BRI3BP: variants seen among roughly 807,000 people sequenced by gnomAD.
BRI3BP encodes the protein BRI3-binding protein.
Under a neutral mutation model 15.8 loss-of-function variants are expected in BRI3BP, and 7 were observed. That is an observed-to-expected ratio of 0.44 (90% CI 0.25 to 0.83). The LOEUF (loss-of-function observed/expected upper bound fraction) is 0.83. Ranked by LOEUF, BRI3BP falls within the 40% of genes least tolerant of loss-of-function variation. The pLI is 0.20. For missense variants in BRI3BP, 320 were observed against 339.3 expected (o/e 0.94, Z 0.45); for synonymous variants, 192 against 163.5 (o/e 1.17, Z -1.33).
intron 1 of BRI3BP, among the ~76,000 whole-genome samples, chr12:125,003,957 ACACACACACAC>A (rs1336424071): frequency 5.8e-4 from 3 of 5,184 alleles, no homozygotes; most frequent in Non-Finnish European, 9.2e-4. Context: ...CATCTCAAAA[ACACACACACAC>A]ACACACACAC....
chr12:125,008,688 A>G (rs1955170772), intron 1 of BRI3BP, among the ~76,000 whole-genome samples: 1 of 152,112 alleles, frequency 6.6e-6, no homozygotes, highest in South Asian at 2.1e-4. Context: ...CAGTTTTTCC[A>G]TGGACTGGGT....
chr12:125,008,422 CCTT>C (rs1447025976), intron 1 of BRI3BP, among the ~76,000 whole-genome samples: 1 of 151,010 alleles, frequency 6.6e-6, no homozygotes, highest in Admixed American at 6.6e-5. Context: ...ACACCATTCT[CCTT>C]CTTCAGCCTC....
the BRI3BP span, among the ~76,000 whole-genome samples, chr12:125,043,387 TG>T: frequency 1.3e-5 from 2 of 152,184 alleles, no homozygotes; most frequent in Non-Finnish European, 2.9e-5. Context: ...ACAGAACCGC[TG>T]CACAGTTCCT....
chr12:125,006,352 C>T (rs1006924602), intron 1 of BRI3BP, among the ~76,000 whole-genome samples: 1 of 152,226 alleles, frequency 6.6e-6, no homozygotes, highest in Non-Finnish European at 1.5e-5. Context: ...CCAAATGGTT[C>T]AACGGCAAGA....
chr12:124,993,676 G>A lies in BRI3BP; in HGVS notation c.-115G>A. The A allele has an allele frequency of 1.8e-6, 1 of 550,598 alleles. No homozygotes were observed. Among genetic ancestry groups the A allele is most frequent in the Non-Finnish European group, 2.3e-6 (1 of 434,890 alleles). 34.1% of individuals were successfully genotyped at this position (550,598 alleles called of 1,614,324 possible). A position where few individuals can be genotyped will look rare whatever the true frequency, so the allele number is the denominator to read the frequency against. ...GCAGCAGCGGCGGCGGCGGCTGTGG[G>A]TAAAGGCGCGGCGCGCGGCCCCCGA... On this transcript the variant is annotated 5_prime_UTR_variant, in exon 1 of 3. Coordinates refer to ENST00000341446, the MANE Select transcript of BRI3BP (RefSeq NM_080626.6).
chr12:125,040,065 C>A, the BRI3BP span, among the ~76,000 whole-genome samples: 1 of 152,074 alleles, frequency 6.6e-6, no homozygotes, highest in Admixed American at 6.5e-5. Flanking sequence ...AGATTGAGAC[C>A]ATCCTGGCCA....
chr12:125,004,237 A>G (rs1955123411), intron 1 of BRI3BP, among the ~76,000 whole-genome samples: 1 of 152,174 alleles, frequency 6.6e-6, no homozygotes, highest in Non-Finnish European at 1.5e-5. Context: ...CAGTGGCACG[A>G]ACACAGCTCA....
chr12:125,009,972 G>A (rs1288967336), intron 1 of BRI3BP, among the ~76,000 whole-genome samples: 1 of 152,044 alleles, frequency 6.6e-6, no homozygotes, highest in Non-Finnish European at 1.5e-5. Flanking sequence ...TATGATGGCA[G>A]GCGCCTGGAA....
intron 1 of BRI3BP, among the ~76,000 whole-genome samples, chr12:125,005,284 A>C (rs2135989834): frequency 6.6e-6 from 1 of 152,312 alleles, no homozygotes; most frequent in South Asian, 2.1e-4. Flanking sequence ...GGGTACAGCA[A>C]ATCATCATGA....
At chr12:125,048,227 C>T in the BRI3BP span, among the ~76,000 whole-genome samples, 7 of 151,994 alleles carry the variant, frequency 4.6e-5, no homozygotes, top group African/African-American at 9.7e-5. Context: ...GTATACTCTC[C>T]AAGATGCAAT....
downstream of BRI3BP, among the ~76,000 whole-genome samples, chr12:125,031,727 C>A (rs1407143082): frequency 6.6e-6 from 1 of 151,922 alleles, no homozygotes; most frequent in Non-Finnish European, 1.5e-5. Flanking sequence ...TGGGGTTTCA[C>A]CATGTTGGCC....
chr12:125,047,170 G>A, the BRI3BP span, among the ~76,000 whole-genome samples: 10 of 150,650 alleles, frequency 6.6e-5, no homozygotes, highest in South Asian at 2.1e-4. Flanking sequence ...TTTTTGAGAC[G>A]GAGTCTTGCT....
intron 1 of BRI3BP, among the ~76,000 whole-genome samples, chr12:125,000,016 CTTTT>C (rs66571863): frequency 2.5e-5 from 1 of 40,690 alleles, no homozygotes; most frequent in Non-Finnish European, 4.3e-5. Context: ...TTTGGTTTTT[CTTTT>C]TTTTTTTTTT....
intron 1 of BRI3BP, among the ~76,000 whole-genome samples, chr12:125,000,516 T>C (rs1321148755): frequency 6.6e-6 from 1 of 151,704 alleles, no homozygotes; most frequent in Non-Finnish European, 1.5e-5. Flanking sequence ...GGTTTCACCA[T>C]GTTAGCCAGG....
intron 1 of BRI3BP, among the ~76,000 whole-genome samples, chr12:125,003,719 G>T (rs1210321057): frequency 6.6e-6 from 1 of 152,264 alleles, no homozygotes; most frequent in African/African-American, 2.4e-5. Flanking sequence ...TTGGGAGGCC[G>T]AGGCGGGTGG....
At chr12:125,041,054 A>AT in the BRI3BP span, among the ~76,000 whole-genome samples, 14 of 116,706 alleles carry the variant, frequency 1.2e-4, no homozygotes, top group East Asian at 1.3e-3. Context: ...TTTTATTTTT[A>AT]TTTTTTTTTG....
In BRI3BP at chr12:125,003,954, AAAACACACACACACACAC is replaced by A. The variant is rs1481867838; in HGVS notation, c.214-8578_214-8561del. On this transcript the variant is annotated intron_variant, in intron 1 of 2. Coordinates refer to ENST00000341446, the MANE Select transcript of BRI3BP (RefSeq NM_080626.6). ...GGCGACAGAGCGAGACTCCATCTCA[AAAACACACACACACACAC>A]ACACACACACACACACACACACACA... 1.1e-4 allele frequency among the ~76,000 whole-genome samples: 10 copies of A among 95,094 alleles called. No homozygotes were observed. The East Asian group carries it at 2.5e-3, about 23-fold the overall frequency. The allele number at this position is 95,094 out of a possible 152,430, so 62.4% of individuals were successfully genotyped here. A position where few individuals can be genotyped will look rare whatever the true frequency, so the allele number is the denominator to read the frequency against.
At chr12:125,046,103 T>C in the BRI3BP span, among the ~76,000 whole-genome samples, 1 of 151,780 alleles carries the variant, frequency 6.6e-6, no homozygotes, top group Non-Finnish European at 1.5e-5. Flanking sequence ...AGGTGGAGGT[T>C]GCAGTGAGCT....
At chr12:125,021,661 C>T (rs543189536) in intron 2 of BRI3BP, among the ~76,000 whole-genome samples, 33 of 152,196 alleles carry the variant, frequency 2.2e-4, no homozygotes, top group African/African-American at 7.0e-4. Context: ...GTAATCATGG[C>T]GGAAGGCAAA....
Sources: allele counts gnomAD v4.1 joint callset (sites outside exome capture counted in the v4.1 genomes callset), GRCh38; gene constraint gnomAD v4.1.1; transcripts MANE v1.5; gene names NCBI Gene and HGNC (gene_info 2026-07-23, HGNC 2026-07-21).